WWOX: variants seen among roughly 807,000 people sequenced by gnomAD.
The protein encoded by WWOX is WW domain-containing oxidoreductase.
Under a neutral mutation model 46.2 loss-of-function variants are expected in WWOX, and 69 were observed. That is an observed-to-expected ratio of 1.49 (90% CI 1.23 to 1.82). WWOX has a LOEUF of 1.82. Ranked by LOEUF, WWOX falls within the 40% of genes most tolerant of loss-of-function variation. The pLI, the probability that WWOX is intolerant of heterozygous loss-of-function variation, is 0.00. For synonymous variants in WWOX, 359 were observed against 202.6 expected, an observed-to-expected ratio of 1.77 and a Z score of -6.56; for missense variants, 919 against 542.6, an observed-to-expected ratio of 1.69 and a Z score of -6.89.
intron 5 of WWOX, among the ~76,000 whole-genome samples, chr16:78,236,110 G>C (rs2037429187): frequency 6.6e-6 from 1 of 152,218 alleles, no homozygotes; most frequent in Non-Finnish European, 1.5e-5. Flanking sequence ...GTGGGCCATA[G>C]GTTGCCAGCC....
rs35094943 is a variant in WWOX at position 78,260,666 on chromosome 16, TA to T, written c.516+96388del. ...CTGGGTGACAAAGCTATACTCCATC[TA>T]AAAAAAAAAATTAGTTATCTCTGCC... is the stretch of plus-strand genomic sequence containing the variant. On this transcript the variant is annotated intron_variant, in intron 5 of 8. Coordinates refer to ENST00000566780, the MANE Select transcript of WWOX (RefSeq NM_016373.4). Among the ~76,000 whole-genome samples, 1,176 of 143,308 alleles carry T rather than the reference TA, an allele frequency of 8.2e-3. 27 individuals carry two copies. Among genetic ancestry groups the T allele is most frequent in the South Asian group, 0.053 (242 of 4,578 alleles). 94.0% of individuals were successfully genotyped at this position (143,308 alleles called of 152,430 possible).
chr16:78,598,828 T>G (rs141092928), intron 8 of WWOX, among the ~76,000 whole-genome samples: 1 of 152,134 alleles, frequency 6.6e-6, no homozygotes, highest in Non-Finnish European at 1.5e-5. Flanking sequence ...GCCTCTTCAT[T>G]GTCCCCTTCA....
chr16:78,992,845 A>G (rs190377725), intron 8 of WWOX, among the ~76,000 whole-genome samples: 1 of 152,036 alleles, frequency 6.6e-6, no homozygotes, highest in Admixed American at 6.5e-5. Flanking sequence ...TTCTCCCCAA[A>G]CCTTCTAAGT....
intron 5 of WWOX, among the ~76,000 whole-genome samples, chr16:78,324,268 G>A (rs1416888411): frequency 6.6e-6 from 1 of 152,088 alleles, no homozygotes; most frequent in East Asian, 1.9e-4. Context: ...CAGTTGAAAT[G>A]TAGAAGTGAA....
intron 4 of WWOX, among the ~76,000 whole-genome samples, chr16:78,157,041 G>T (rs555509764): frequency 6.6e-6 from 1 of 151,994 alleles, no homozygotes; most frequent in Non-Finnish European, 1.5e-5. Context: ...ACTAAGAATT[G>T]TTTACTCTCA....
chr16:78,994,969 CTTTTT>C (rs869088414), intron 8 of WWOX, among the ~76,000 whole-genome samples: 35 of 114,642 alleles, frequency 3.1e-4, no homozygotes, highest in Admixed American at 6.1e-4. Context: ...TCTTCTTCTT[CTTTTT>C]TTTTTTTTTT....
chr16:78,683,022 C>A (rs1475069492), intron 8 of WWOX, among the ~76,000 whole-genome samples: 1 of 152,098 alleles, frequency 6.6e-6, no homozygotes, highest in African/African-American at 2.4e-5. Context: ...CTGTAGGCTG[C>A]TGTGATGGAT....
At chr16:78,328,890 C>G (rs2080695218) in intron 5 of WWOX, among the ~76,000 whole-genome samples, 1 of 151,792 alleles carries the variant, frequency 6.6e-6, no homozygotes, top group African/African-American at 2.4e-5. Flanking sequence ...TTCTAACAGT[C>G]TTGCTCTGTC....
chr16:78,782,254 C>T (rs1042699338), intron 8 of WWOX, among the ~76,000 whole-genome samples: 1 of 152,208 alleles, frequency 6.6e-6, no homozygotes, highest in African/African-American at 2.4e-5. Context: ...CTTCTGTCTT[C>T]CCTCTAGTGA....
At chr16:78,736,809 G>A (rs975875155) in intron 8 of WWOX, among the ~76,000 whole-genome samples, 4 of 152,142 alleles carry the variant, frequency 2.6e-5, no homozygotes, top group East Asian at 1.9e-4. Context: ...GAGTCTCACC[G>A]TCTTGCCCTG....
intron 5 of WWOX, among the ~76,000 whole-genome samples, chr16:78,380,943 C>G (rs930239707): frequency 2.6e-5 from 4 of 152,062 alleles, no homozygotes; most frequent in African/African-American, 9.7e-5. Context: ...TGGCTTGTAC[C>G]TTATATTCAC....
chr16:78,772,634 G>T (rs2050092051), intron 8 of WWOX, among the ~76,000 whole-genome samples: 1 of 152,186 alleles, frequency 6.6e-6, no homozygotes, highest in Admixed American at 6.5e-5. Flanking sequence ...TTACCAGCAT[G>T]GCTACTACTA....
At chr16:78,674,483 C>G (rs184604726) in intron 8 of WWOX, among the ~76,000 whole-genome samples, 124 of 152,142 alleles carry the variant, frequency 8.2e-4, no homozygotes, top group African/African-American at 3.0e-3. Context: ...TGGGGTTTCA[C>G]CATGTTAGCC....
intron 8 of WWOX, among the ~76,000 whole-genome samples, chr16:78,915,054 C>G (rs2151261011): frequency 6.6e-6 from 1 of 152,186 alleles, no homozygotes; most frequent in East Asian, 1.9e-4. Context: ...TCCACAAGTT[C>G]AGGAAAGGGC....
chr16:78,334,555 G>A (rs997213098), intron 5 of WWOX, among the ~76,000 whole-genome samples: 1 of 151,996 alleles, frequency 6.6e-6, no homozygotes, highest in African/African-American at 2.4e-5. Flanking sequence ...CCATCATTCT[G>A]TTCAATTATT....
intron 8 of WWOX, among the ~76,000 whole-genome samples, chr16:78,757,312 C>T (rs949833179): frequency 1.4e-5 from 2 of 145,942 alleles, no homozygotes; most frequent in Admixed American, 6.9e-5. Context: ...TTAATTGTTA[C>T]TTTCTTACCA....
chr16:79,136,064 C>A (rs1410174637), intron 8 of WWOX, among the ~76,000 whole-genome samples: 1 of 152,114 alleles, frequency 6.6e-6, no homozygotes, highest in Non-Finnish European at 1.5e-5. Flanking sequence ...CAAATATACT[C>A]TGAATGCACA....
intron 6 of WWOX, among the ~76,000 whole-genome samples, chr16:78,418,452 C>T (rs560896544): frequency 1.3e-5 from 2 of 152,068 alleles, no homozygotes; most frequent in African/African-American, 4.8e-5. Flanking sequence ...CCATCTGACA[C>T]TGTGAAGCCA....
At chr16:79,116,757 C>A (rs2049523892) in intron 8 of WWOX, among the ~76,000 whole-genome samples, 1 of 151,846 alleles carries the variant, frequency 6.6e-6, no homozygotes, top group Non-Finnish European at 1.5e-5. Flanking sequence ...ATTTTTGATC[C>A]TTTGCCATGA....
Sources: allele counts gnomAD v4.1 joint callset (sites outside exome capture counted in the v4.1 genomes callset), GRCh38; gene constraint gnomAD v4.1.1; transcripts MANE v1.5; gene names NCBI Gene and HGNC (gene_info 2026-07-23, HGNC 2026-07-21).